MGAT4C: variants seen among roughly 807,000 people sequenced by gnomAD.
The protein encoded by MGAT4C is MGAT4 family member C.
Under a neutral mutation model 40.1 loss-of-function variants are expected in MGAT4C, and 19 were observed. The observed-to-expected ratio is 0.47, with a 90% CI of 0.33 to 0.70. MGAT4C has a LOEUF of 0.70. Among genes scored for constraint, MGAT4C ranks in the 30% least tolerant of loss-of-function variants. The probability of loss-of-function intolerance (pLI) is 0.02; values close to 1 mark genes in which losing one functional copy is unlikely to be tolerated. For synonymous variants in MGAT4C, 181 were observed against 187.1 expected (o/e 0.97, Z 0.27); for missense variants, 491 against 563.2 (o/e 0.87, Z 1.30).
chr12:86,814,151 G>T (rs1056847039), intron 1 of MGAT4C, among the ~76,000 whole-genome samples: 8 of 151,478 alleles, frequency 5.3e-5, no homozygotes, highest in African/African-American at 1.9e-4. Context: ...ACCTCAGGCT[G>T]ATAGATATAT....
chr12:86,531,470 T>C (rs1958982286), intron 2 of MGAT4C, among the ~76,000 whole-genome samples: 1 of 152,066 alleles, frequency 6.6e-6, no homozygotes, highest in South Asian at 2.1e-4. Context: ...ACTAAAGCCA[T>C]ATTTGGTAAA....
intron 1 of MGAT4C, among the ~76,000 whole-genome samples, chr12:86,162,190 C>T (rs1196093779): frequency 1.3e-5 from 2 of 152,108 alleles, no homozygotes; most frequent in Non-Finnish European, 2.9e-5. Context: ...AAGACACATG[C>T]ACTCACATGC....
At chr12:86,193,686 T>C (rs1432715577) in intron 1 of MGAT4C, among the ~76,000 whole-genome samples, 1 of 152,188 alleles carries the variant, frequency 6.6e-6, no homozygotes, top group East Asian at 1.9e-4. Flanking sequence ...CAGCATCATA[T>C]TATCTTCTAG....
chr12:86,665,216 T>C (rs974655273), intron 2 of MGAT4C, among the ~76,000 whole-genome samples: 2 of 152,174 alleles, frequency 1.3e-5, no homozygotes, highest in Non-Finnish European at 2.9e-5. Context: ...GGGGATACAG[T>C]ATTCAGTGGA....
chr12:86,717,852 C>G (rs927121701), intron 2 of MGAT4C, among the ~76,000 whole-genome samples: 1 of 152,112 alleles, frequency 6.6e-6, no homozygotes, highest in African/African-American at 2.4e-5. Flanking sequence ...TGTTTCAATA[C>G]TGTTTCTACT....
chr12:86,689,922 C>G (rs1195412219), intron 2 of MGAT4C, among the ~76,000 whole-genome samples: 1 of 152,206 alleles, frequency 6.6e-6, no homozygotes, highest in Non-Finnish European at 1.5e-5. Flanking sequence ...ACAACAACCC[C>G]TCTCCCCAGG....
At chr12:86,783,477 A>G (rs1951879921) in intron 1 of MGAT4C, among the ~76,000 whole-genome samples, 1 of 150,048 alleles carries the variant, frequency 6.7e-6, no homozygotes. Flanking sequence ...CTTCAAGAAA[A>G]TGACCACAAT....
rs111301792 is a variant in MGAT4C, at chr12:86,420,045, T to A, written c.-120+15112A>T. Among the ~76,000 whole-genome samples the A allele has an allele frequency of 5.7e-3, 873 of 152,046 alleles. 7 individuals are homozygous for A. The highest frequency in any genetic ancestry group is 0.02 in the African/African-American group (838 of 41,450). ...TAAAAGTTAACCATTTTAAGTAGGA[T>A]TCTGAAACTCTGAGTTATTCATGTA... On this transcript the variant is annotated intron_variant, in intron 3 of 7. Transcript: ENST00000548651.
chr12:86,345,370 AC>A (rs1163566440), intron 3 of MGAT4C, among the ~76,000 whole-genome samples: 2 of 151,850 alleles, frequency 1.3e-5, no homozygotes, highest in African/African-American at 2.4e-5. Flanking sequence ...GGTGTGCTGT[AC>A]CCATTAACTC....
At position 86,697,061 on chromosome 12, in the gene MGAT4C, T is replaced by G. The variant is rs143448545; in HGVS notation, c.-229+30148A>C. On this transcript the variant is annotated intron_variant, in intron 2 of 7. Coordinates refer to the MGAT4C transcript ENST00000548651. ...CTGAAATATGCATAGATAAATGTAG[T>G]AAATCCTATATCTGATAAGGAATAT... 5.8e-3 allele frequency among the ~76,000 whole-genome samples: 884 copies of G among 152,264 alleles called. 3 individuals are homozygous for G. Among genetic ancestry groups the G allele is most frequent in the African/African-American group, 0.02 (849 of 41,558 alleles).
chr12:86,601,236 TCCTGACCTTCAGG>T (rs1303632864), intron 2 of MGAT4C: 5 of 152,248 alleles, frequency 3.3e-5, no homozygotes. Flanking sequence ...ACCTGGCAGG[TCCTGACCTTCAGG>T]CCTGGCGGCG....
intron 1 of MGAT4C, among the ~76,000 whole-genome samples, chr12:86,235,187 A>AT: frequency 6.6e-6 from 1 of 151,962 alleles, no homozygotes. Context: ...CGGCAGCATA[A>AT]TGAATATTCT....
intron 1 of MGAT4C, among the ~76,000 whole-genome samples, chr12:86,203,001 A>AT (rs774385918): frequency 7.0e-6 from 1 of 143,628 alleles, no homozygotes; most frequent in Non-Finnish European, 1.5e-5. Flanking sequence ...TGCTAAGTAT[A>AT]TGTCACATTT....
At chr12:86,575,326 G>T (rs1960518369) in intron 2 of MGAT4C, among the ~76,000 whole-genome samples, 1 of 151,388 alleles carries the variant, frequency 6.6e-6, no homozygotes, top group Admixed American at 6.6e-5. Context: ...TTAATTTTTG[G>T]CACCCATTAA....
At chr12:86,703,325 G>C (rs1035982550) in intron 2 of MGAT4C, among the ~76,000 whole-genome samples, 1 of 152,192 alleles carries the variant, frequency 6.6e-6, no homozygotes, top group African/African-American at 2.4e-5. Context: ...GTTCTATTGT[G>C]GGTAAAATGC....
At chr12:86,500,604 A>G (rs924621698) in intron 2 of MGAT4C, among the ~76,000 whole-genome samples, 4 of 151,988 alleles carry the variant, frequency 2.6e-5, no homozygotes, top group Admixed American at 6.6e-5. Flanking sequence ...CTGCAAAGTA[A>G]ACTTCAAGTT....
intron 1 of MGAT4C, among the ~76,000 whole-genome samples, chr12:86,067,622 G>C (rs1894681545): frequency 6.6e-6 from 1 of 151,838 alleles, no homozygotes; most frequent in South Asian, 2.1e-4. Context: ...CGGGTTGATG[G>C]GTGCAGCAAA....
intron 2 of MGAT4C, among the ~76,000 whole-genome samples, chr12:86,508,303 G>A (rs573923009): frequency 8.0e-4 from 122 of 152,022 alleles, no homozygotes; most frequent in South Asian, 3.3e-3. Context: ...GTGAGAACAT[G>A]CGGTGTTTGG....
chr12:86,222,821 AAG>A (rs931621304), intron 1 of MGAT4C, among the ~76,000 whole-genome samples: 4 of 152,202 alleles, frequency 2.6e-5, no homozygotes, highest in Non-Finnish European at 1.5e-5. Flanking sequence ...TTAAATAAGC[AAG>A]AGAGAGAAGA....
Sources: allele counts gnomAD v4.1 joint callset (sites outside exome capture counted in the v4.1 genomes callset), GRCh38; gene constraint gnomAD v4.1.1; transcripts MANE v1.5; gene names NCBI Gene and HGNC (gene_info 2026-07-23, HGNC 2026-07-21).